MAP4K4: variants seen among roughly 807,000 people sequenced by gnomAD.
The protein encoded by MAP4K4 is mitogen-activated protein kinase kinase kinase kinase 4, also known as HPK/GCK-like kinase HGK.
A neutral mutation model predicts 189.6 loss-of-function variants in MAP4K4; 38 were observed. The observed-to-expected ratio is 0.20, with a 90% CI of 0.15 to 0.26. The LOEUF (loss-of-function observed/expected upper bound fraction) is 0.26, where lower values mean the gene tolerates loss of function less well. Ranked by LOEUF, MAP4K4 falls within the 10% of genes least tolerant of loss-of-function variation. The pLI is 1.00. For synonymous variants in MAP4K4, 610 were observed against 624.3 expected (o/e 0.98, Z 0.34); for missense variants, 1,054 against 1,726.9 (o/e 0.61, Z 6.91).
intron 2 of MAP4K4, among the ~76,000 whole-genome samples, chr2:101,745,916 G>A (rs988005087): frequency 2.0e-5 from 3 of 150,418 alleles, no homozygotes; most frequent in Admixed American, 6.6e-5. Flanking sequence ...GTTCTCTGCC[G>A]TGGTTGATAT....
At chr2:101,827,579 T>C (rs1222391953) in intron 5 of MAP4K4, among the ~76,000 whole-genome samples, 1 of 152,204 alleles carries the variant, frequency 6.6e-6, no homozygotes, top group Non-Finnish European at 1.5e-5. Context: ...GATTTAGACA[T>C]CTTGATCATT....
At chr2:101,867,514 T>G (rs1177245221) in intron 20 of MAP4K4, 6 of 528,880 alleles carry the variant, frequency 1.1e-5, no homozygotes, top group African/African-American at 5.7e-5. Flanking sequence ...CTCAAGTGAG[T>G]AAAACCTTTT....
intron 3 of MAP4K4, among the ~76,000 whole-genome samples, chr2:101,812,616 C>CA (rs397806451): frequency 0.068 from 9,883 of 146,290 alleles, 869 homozygotes; most frequent in African/African-American, 0.21. Flanking sequence ...TGATTAATAG[C>CA]AAAAAAAAAA....
chr2:101,785,243 T>G (rs1372962460), intron 2 of MAP4K4, among the ~76,000 whole-genome samples: 2 of 152,334 alleles, frequency 1.3e-5, no homozygotes, highest in African/African-American at 4.8e-5. Flanking sequence ...AGTTTTATGA[T>G]TCTGGAAAAA....
At chr2:101,821,544 A>G (rs1452733930) in intron 3 of MAP4K4, among the ~76,000 whole-genome samples, 1 of 152,220 alleles carries the variant, frequency 6.6e-6, no homozygotes, top group Non-Finnish European at 1.5e-5. Context: ...TATGTTATAA[A>G]AGATAAAAAG....
In MAP4K4 at chr2:101,887,076, G is replaced by T; in HGVS notation, c.3622-12G>T. On this transcript the variant is annotated splice_polypyrimidine_tract_variant and intron_variant, in intron 29 of 32. Transcript: ENST00000324219. ...CCTTCATCTTCTCACTTCTCTTATG[G>T]CTTCTTTGCAGTCATTTGGAGAATT... 6.6e-7 allele frequency: 1 copy of T among 1,512,808 alleles called. No individual in the cohort carries two copies. Among genetic ancestry groups the T allele is most frequent in the Non-Finnish European group, 8.9e-7 (1 of 1,127,748 alleles). The allele number at this position is 1,512,808 out of a possible 1,614,324, so 93.7% of individuals were successfully genotyped here.
At position 101,764,352 on chromosome 2, in the gene MAP4K4, A is replaced by G. The variant is rs1367626002; in HGVS notation, c.124-26368A>G. ...AGGCCATTATACTGAGTGAAAAATG[A>G]CTTGGAATTTAACCTTAGTTTTGAC... On this transcript the variant is annotated intron_variant, in intron 2 of 32. Transcript: ENST00000324219. 2.6e-5 allele frequency among the ~76,000 whole-genome samples: 4 copies of G among 152,360 alleles called. No homozygotes were observed. In the East Asian group the frequency reaches 7.7e-4, roughly 29 times the overall value.
At chr2:101,892,961 C>A (rs1321911617) in exon 33 of MAP4K4, 1 of 456,402 alleles carries the variant, frequency 2.2e-6, no homozygotes. Context: ...TAACCTCAGT[C>A]ATCAAAAGAA....
rs149771830 is a variant in MAP4K4, at chr2:101,844,543, C to T, written c.1233+232C>T. On this transcript the variant is annotated intron_variant, in intron 12 of 32. Transcript: ENST00000324219. ...CCTTGTGAAAACTTTAAGGATCTGC[C>T]CCACAGTTACTCATCAACATACTGT... 1.1e-3 allele frequency among the ~76,000 whole-genome samples: 167 copies of T among 152,222 alleles called. 2 individuals carry two copies. Among genetic ancestry groups the T allele is most frequent in the Middle Eastern group, 6.8e-3 (2 of 294 alleles).
exon 33 of MAP4K4, chr2:101,891,987 T>TAAAAAAAAAAAAAAAAAAAAAAAAA: frequency 3.3e-5 from 2 of 59,820 alleles, no homozygotes; most frequent in South Asian, 8.8e-4. Flanking sequence ...CAGATGGTTC[T>TAAAAAAAAAAAAAAAAAAAAAAAAA]AAAAAAAAAA....
chr2:101,869,376 A>T (rs1330851298), intron 21 of MAP4K4, among the ~76,000 whole-genome samples: 9 of 151,136 alleles, frequency 6.0e-5, no homozygotes, highest in Admixed American at 5.9e-4. Context: ...TTGTCATGGG[A>T]TTTGAACTGT....
intron 12 of MAP4K4, among the ~76,000 whole-genome samples, chr2:101,854,913 G>T (rs1426632979): frequency 6.6e-6 from 1 of 152,150 alleles, no homozygotes; most frequent in East Asian, 1.9e-4. Flanking sequence ...ATTAACTTCA[G>T]TGCAACAAAA....
intron 2 of MAP4K4, among the ~76,000 whole-genome samples, chr2:101,756,410 A>C: frequency 6.6e-6 from 1 of 152,204 alleles, no homozygotes; most frequent in Non-Finnish European, 1.5e-5. Context: ...AGCTAGGACT[A>C]TCAGTGCCTG....
intron 3 of MAP4K4, among the ~76,000 whole-genome samples, chr2:101,792,728 T>C (rs1250814125): frequency 6.6e-6 from 1 of 151,762 alleles, no homozygotes; most frequent in Admixed American, 6.6e-5. Flanking sequence ...CTCCACCTCC[T>C]GGGTTCAAGC....
At chr2:101,876,624 G>A (rs1559303331) in intron 26 of MAP4K4, among the ~76,000 whole-genome samples, 1 of 152,162 alleles carries the variant, frequency 6.6e-6, no homozygotes, top group Non-Finnish European at 1.5e-5. Flanking sequence ...TCAGATGAAG[G>A]TTTGTTCAAA....
intron 3 of MAP4K4, among the ~76,000 whole-genome samples, chr2:101,802,573 C>A (rs2148998626): frequency 6.6e-6 from 1 of 152,224 alleles, no homozygotes; most frequent in South Asian, 2.1e-4. Flanking sequence ...GCCTGGAATG[C>A]CACTCCCTCA....
At chr2:101,773,193 C>T (rs901644509) in intron 2 of MAP4K4, among the ~76,000 whole-genome samples, 2 of 152,178 alleles carry the variant, frequency 1.3e-5, no homozygotes, top group East Asian at 1.9e-4. Flanking sequence ...GATGTTTTCC[C>T]AACTCAAGAC....
chr2:101,892,241 G>A (rs1358089269), exon 33 of MAP4K4: 1 of 152,300 alleles, frequency 6.6e-6, no homozygotes, highest in Non-Finnish European at 1.5e-5. Flanking sequence ...ATTGAGAGGT[G>A]ATTTAGTTTA....
At chr2:101,879,533 T>C (rs1336153310) in intron 27 of MAP4K4, among the ~76,000 whole-genome samples, 1 of 152,182 alleles carries the variant, frequency 6.6e-6, no homozygotes, top group African/African-American at 2.4e-5. Context: ...ATATTGAATA[T>C]TTTCCTGCAA....
Sources: allele counts gnomAD v4.1 joint callset (sites outside exome capture counted in the v4.1 genomes callset), GRCh38; gene constraint gnomAD v4.1.1; transcripts MANE v1.5; gene names NCBI Gene and HGNC (gene_info 2026-07-23, HGNC 2026-07-21).